Variants in ZC3H11A observed in about 807,000 individuals in gnomAD.
The protein encoded by ZC3H11A is zinc finger CCCH domain-containing protein 11A.
In ZC3H11A, 22 loss-of-function variants were observed where a neutral mutation model predicts 90.8. The ratio of observed to expected loss-of-function variants is 0.24; its 90% CI spans 0.17 to 0.35. The LOEUF (loss-of-function observed/expected upper bound fraction) is 0.35. ZC3H11A is among the 10% of genes least tolerant of loss of function. The pLI is 1.00. For missense variants in ZC3H11A, 701 were observed against 964.9 expected (o/e 0.73, Z 3.62); for synonymous variants, 294 against 339.8 (o/e 0.87, Z 1.48).
Position 203,849,761 on chromosome 1 carries a change from A to G in ZC3H11A, c.1674A>G (p.Arg558=). ...ACATCACTAAAATTCAAGTCAAGAGATGTGAGACCATGAGAGAGAAGCACA... is the reference window on the plus strand; with the variant it reads ...ACATCACTAAAATTCAAGTCAAGAGGTGTGAGACCATGAGAGAGAAGCACA... ...GVDITKIQVK[R]CETMREKHMQ... The change falls in exon 15 of 18, where the codon AGA becomes AGG. Residue 558 remains arginine, a synonymous_variant. Transcript: ENST00000367210. The G allele has an allele frequency of 6.2e-7, 1 of 1,613,930 alleles. No individual in the cohort carries two copies. The highest frequency in any genetic ancestry group is 1.1e-5 in the South Asian group (1 of 91,076).
Position 203,825,726 on chromosome 1 carries a change from G to A in ZC3H11A, c.175-2573G>A, listed in dbSNP as rs545332488. Among the ~76,000 whole-genome samples the A allele has an allele frequency of 1.1e-4, 16 of 152,194 alleles. No homozygotes were observed. The South Asian group carries it at 3.1e-3, about 30-fold the overall frequency. On this transcript the variant is annotated intron_variant, in intron 4 of 17. Coordinates refer to ENST00000367210, the MANE Select transcript of ZC3H11A (RefSeq NM_001376342.1). ...AGGCGTGAGCCACCACGCCTGGCATGTGGAGGATATTACTAAGGAAAAATG... is the reference window on the plus strand; with the variant it reads ...AGGCGTGAGCCACCACGCCTGGCATATGGAGGATATTACTAAGGAAAAATG...
intron 2 of ZC3H11A, among the ~76,000 whole-genome samples, chr1:203,807,570 A>G (rs1209356807): frequency 6.6e-6 from 1 of 151,652 alleles, no homozygotes; most frequent in Non-Finnish European, 1.5e-5. Context: ...TCTGCCTCCC[A>G]GGCTGGAGTG....
At position 203,851,053 on chromosome 1, in the gene ZC3H11A, G is replaced by C; in HGVS notation, c.2107-4G>C. 6.2e-7 allele frequency: 1 copy of C among 1,613,914 alleles called. No homozygotes were observed. Among genetic ancestry groups the C allele is most frequent in the Non-Finnish European group, 8.5e-7 (1 of 1,179,982 alleles). ...ACTGAATTACCTGACTCTTCCTTTT[G>C]TAGGCTGTTGTCCCGCTTGTCTCTG... On this transcript the variant is annotated splice_polypyrimidine_tract_variant and splice_region_variant and intron_variant, in intron 16 of 17. Coordinates refer to ENST00000367210, the MANE Select transcript of ZC3H11A (RefSeq NM_001376342.1).
chr1:203,849,901 C>A lies in ZC3H11A; in HGVS notation c.1814C>A (p.Thr605Lys). The A allele has an allele frequency of 6.2e-7, 1 of 1,614,130 alleles. No individual in the cohort carries two copies. ...KPVLTAVPGI[T>K]RHLTKRLPTK... ...GTGCTCACTGCTGTGCCAGGAATCA[C>A]ACGGCACCTGACCAAGCGGCTTCCC... is the stretch of plus-strand genomic sequence containing the variant. Residue 605 changes from threonine to lysine, a missense_variant, in exon 15 of 18, where the codon ACA becomes AAA. This residue lies in a region of ZC3H11A where 530 missense variants were observed against 696.2 expected (regional missense o/e 0.76). Coordinates refer to ENST00000367210, the MANE Select transcript of ZC3H11A (RefSeq NM_001376342.1).
intron 15 of ZC3H11A, 101 bp downstream of exon 15, chr1:203,850,127 A>G: frequency 6.7e-6 from 7 of 1,040,512 alleles, no homozygotes; most frequent in Non-Finnish European, 9.9e-6. Flanking sequence ...GTTGAATTTC[A>G]TTTGCCTTCT....
chr1:203,830,322 A>G, intron 8 of ZC3H11A, 119 bp downstream of exon 8: 1 of 763,318 alleles, frequency 1.3e-6, no homozygotes, highest in South Asian at 1.9e-5. Flanking sequence ...GCCTGTTTGA[A>G]GTAAAACACA....
At chr1:203,850,910 AT>A in intron 16 of ZC3H11A, 146 bp from the exon 17 acceptor site, 1 of 1,196,660 alleles carries the variant, frequency 8.4e-7, no homozygotes, top group South Asian at 1.4e-5. Context: ...TTGCTTATTT[AT>A]ATACTCAACC....
intron 1 of ZC3H11A, chr1:203,797,363 C>T: frequency 1.5e-6 from 1 of 652,052 alleles, no homozygotes; most frequent in Non-Finnish European, 2.4e-6. Flanking sequence ...CAGTTTTCCT[C>T]CAAAAATAAC....
In ZC3H11A at chr1:203,830,058, G is replaced by A. The variant is rs1310322273; in HGVS notation, c.620-65G>A. On this transcript the variant is annotated intron_variant, in intron 7 of 17. Coordinates refer to ENST00000367210, the MANE Select transcript of ZC3H11A (RefSeq NM_001376342.1). Reference sequence around the variant, plus strand: ...TTATTCAAAAATAAATGCCTGCTATGTACAGATAAAATACAAAGATGAAAA... The same window carrying A: ...TTATTCAAAAATAAATGCCTGCTATATACAGATAAAATACAAAGATGAAAA... The A allele has an allele frequency of 4.3e-6, 6 of 1,401,970 alleles. No homozygotes were observed. The East Asian group carries it at 1.1e-4, about 27-fold the overall frequency. The allele number at this position is 1,401,970 out of a possible 1,614,324, so 86.8% of individuals were successfully genotyped here. A position where few individuals can be genotyped will look rare whatever the true frequency, so the allele number is the denominator to read the frequency against.
chr1:203,815,695 ACAT>A (rs1676149647), intron 2 of ZC3H11A, among the ~76,000 whole-genome samples: 1 of 152,216 alleles, frequency 6.6e-6, no homozygotes, highest in African/African-American at 2.4e-5. Flanking sequence ...CAGGTTGTTA[ACAT>A]CAAGGTGACT....
At chr1:203,804,412 A>G (rs2102480807) in intron 2 of ZC3H11A, among the ~76,000 whole-genome samples, 1 of 151,806 alleles carries the variant, frequency 6.6e-6, no homozygotes, top group African/African-American at 2.4e-5. Context: ...TCGGCCTCCC[A>G]AAGTGCTAGG....
chr1:203,849,220 G>T (rs1161063781), intron 14 of ZC3H11A, among the ~76,000 whole-genome samples: 2 of 152,248 alleles, frequency 1.3e-5, no homozygotes, highest in South Asian at 4.1e-4. Flanking sequence ...GCATGCATGT[G>T]AATTTGTTTA....
intron 11 of ZC3H11A, among the ~76,000 whole-genome samples, chr1:203,839,715 T>G (rs1685483587): frequency 6.6e-6 from 1 of 152,184 alleles, no homozygotes. Context: ...GACAGTAAGG[T>G]TTTAGAAGGC....
At chr1:203,839,210 G>A (rs1685317692) in intron 11 of ZC3H11A, among the ~76,000 whole-genome samples, 1 of 152,106 alleles carries the variant, frequency 6.6e-6, no homozygotes, top group Non-Finnish European at 1.5e-5. Context: ...TTAGATTTTT[G>A]TTTTGTTTTG....
chr1:203,797,893 A>G, intron 1 of ZC3H11A: 1 of 1,536,136 alleles, frequency 6.5e-7, no homozygotes, highest in Non-Finnish European at 8.7e-7. Flanking sequence ...AAACAGATCT[A>G]TCTACCTAGT....
At chr1:203,829,706 G>T in intron 6 of ZC3H11A, 52 bp downstream of exon 6, 3 of 1,612,386 alleles carry the variant, frequency 1.9e-6, no homozygotes, top group Non-Finnish European at 2.5e-6. Context: ...GTCTCATAGT[G>T]AATTGGGCAG....
At chr1:203,842,253 G>A (rs1686589619) in intron 12 of ZC3H11A, among the ~76,000 whole-genome samples, 1 of 152,298 alleles carries the variant, frequency 6.6e-6, no homozygotes, top group East Asian at 1.9e-4. Context: ...CAGGCGGCTG[G>A]GAGGTGGAGG....
At chr1:203,814,066 A>G (rs915760143) in intron 2 of ZC3H11A, among the ~76,000 whole-genome samples, 1 of 151,598 alleles carries the variant, frequency 6.6e-6, no homozygotes, top group Non-Finnish European at 1.5e-5. Flanking sequence ...TTGCCTCAAT[A>G]TGTCTCTCTC....
rs1670647615 is a variant in ZC3H11A, at chr1:203,801,910, A to T, written c.-1252A>T. On this transcript the variant is annotated 5_prime_UTR_variant, in exon 2 of 18. The change abolishes an upstream ATG in the 5' untranslated region. Transcript: ENST00000367210. ...TTTACCCTTTTACTAACTGGAGTAA[A>T]TGTATACTTACAAAGTCTTTAGCTG... 1 of 152,562 alleles carries T rather than the reference A, an allele frequency of 6.6e-6. No individual in the cohort carries two copies. Among genetic ancestry groups the T allele is most frequent in the Non-Finnish European group, 1.5e-5 (1 of 68,012 alleles). 9.5% of individuals were successfully genotyped at this position (152,562 alleles called of 1,614,324 possible). A position where few individuals can be genotyped will look rare whatever the true frequency, so the allele number is the denominator to read the frequency against.
Sources: gnomAD v4.1 joint callset for allele counts (sites outside exome capture counted in the v4.1 genomes callset) on GRCh38, gnomAD v4.1.1 for gene constraint, gnomAD v4.1.1 regional missense constraint, MANE v1.5 for transcripts, NCBI Gene and HGNC (gene_info 2026-07-23, HGNC 2026-07-21) for gene names.